Variants in GOLT1A observed in about 807,000 individuals in gnomAD.
GOLT1A encodes the protein golgi transport 1A.
Under a neutral mutation model 16.1 loss-of-function variants are expected in GOLT1A, and 10 were observed. The ratio of observed to expected loss-of-function variants is 0.62; its 90% CI spans 0.38 to 1.05. The LOEUF is 1.05. Ranked by LOEUF, GOLT1A falls within the 50% of genes least tolerant of loss-of-function variation. The pLI is 0.01. For synonymous variants in GOLT1A, 60 were observed against 67.9 expected, an observed-to-expected ratio of 0.88 and a Z score of 0.57; for missense variants, 137 against 165.7, an observed-to-expected ratio of 0.83 and a Z score of 0.95.
At chr1:204,199,046 C>T in intron 4 of GOLT1A, 149 bp downstream of exon 4, 1 of 655,364 alleles carries the variant, frequency 1.5e-6, no homozygotes, top group Non-Finnish European at 2.7e-6. Flanking sequence ...GGAAGAGGAG[C>T]CTAAAGCACC....
At chr1:204,210,291 C>G (rs1659119635) in intron 1 of GOLT1A, among the ~76,000 whole-genome samples, 1 of 152,330 alleles carries the variant, frequency 6.6e-6, no homozygotes. Context: ...GCTCTAACTG[C>G]CCTTTCTCTG....
intron 1 of GOLT1A, among the ~76,000 whole-genome samples, chr1:204,206,312 T>A (rs1381422911): frequency 6.6e-6 from 1 of 152,224 alleles, no homozygotes; most frequent in Admixed American, 6.5e-5. Context: ...GTGATCTATT[T>A]GGGCTTGTTT....
Position 204,201,781 on chromosome 1 carries a change from T to C in GOLT1A, c.148A>G (p.Ile50Val). 6.2e-7 allele frequency: 1 copy of C among 1,613,872 alleles called. No homozygotes were observed. The highest frequency in any genetic ancestry group is 8.5e-7 in the Non-Finnish European group (1 of 1,179,982). The change falls in exon 3 of 5, where the codon ATT becomes GTT. Residue 50 changes from isoleucine to valine, a missense_variant. Physicochemically the swap from Ile to Val is conservative, Grantham distance 29 (BLOSUM62 3). Transcript: ENST00000308302. ...AACCAAAAGGTCTTCCTCAGGCCAA[T>C]GATGAGGGACAGGCCCGTCAGGAAC... ...LLFLTGLSLI[I>V]GLRKTFWFFF...
intron 1 of GOLT1A, among the ~76,000 whole-genome samples, chr1:204,203,666 C>T (rs558247196): frequency 6.6e-6 from 1 of 152,360 alleles, no homozygotes; most frequent in East Asian, 1.9e-4. Flanking sequence ...CTCCCATTGT[C>T]CTCCCTCCCT....
chr1:204,202,073 G>A (rs930477007), intron 2 of GOLT1A, among the ~76,000 whole-genome samples: 1 of 152,092 alleles, frequency 6.6e-6, no homozygotes, highest in Non-Finnish European at 1.5e-5. Context: ...TGGAGCCCAA[G>A]CATTTTTCAT....
Position 204,199,357 on chromosome 1 carries a change from T to TC in GOLT1A, c.297-100dup, listed in dbSNP as rs1658915582. ...CCACTGAAAGGTTCAAGCTCTGGCTTCCACACACCAGGGACAGGCTTGATT... is the reference window on the plus strand; with the variant it reads ...CCACTGAAAGGTTCAAGCTCTGGCTTCCCACACACCAGGGACAGGCTTGATT... On this transcript the variant is annotated intron_variant, in intron 3 of 4. Transcript: ENST00000308302. 5.6e-6 allele frequency: 5 copies of TC among 893,494 alleles called. No homozygotes were observed. In the Admixed American group the frequency reaches 1.0e-4, roughly 18 times the overall value. The allele number at this position is 893,494 out of a possible 1,614,324, so 55.3% of individuals were successfully genotyped here.
Position 204,199,864 on chromosome 1 carries a change from G to A in GOLT1A, c.297-606C>T, listed in dbSNP as rs572927819. 4.6e-5 allele frequency among the ~76,000 whole-genome samples: 7 copies of A among 152,312 alleles called. No homozygotes were observed. The South Asian group carries it at 8.3e-4, about 18-fold the overall frequency. On this transcript the variant is annotated intron_variant, in intron 3 of 4. Coordinates refer to ENST00000308302, the MANE Select transcript of GOLT1A (RefSeq NM_198447.2). The stretch of plus-strand genomic sequence containing the variant: ...ACATGCGTGACCCCTCACAGGGCTT[G>A]GAGGTGCCAAGGCTGGCATGGGAAG...
chr1:204,210,692 G>A (rs1160652489), intron 1 of GOLT1A, among the ~76,000 whole-genome samples: 1 of 152,212 alleles, frequency 6.6e-6, no homozygotes, highest in Non-Finnish European at 1.5e-5. Context: ...CTCCCAAAGT[G>A]CTGAGATTAC....
Position 204,213,914 on chromosome 1 carries a change from T to A in GOLT1A, c.-8A>T. The A allele has an allele frequency of 6.2e-7, 1 of 1,613,134 alleles. No individual in the cohort carries two copies. The highest frequency in any genetic ancestry group is 8.5e-7 in the Non-Finnish European group (1 of 1,179,770). On this transcript the variant is annotated 5_prime_UTR_variant, in exon 1 of 5. It removes the in-frame stop codon of an upstream open reading frame in the 5' UTR. Coordinates refer to ENST00000308302, the MANE Select transcript of GOLT1A (RefSeq NM_198447.2). Reference sequence around the variant, plus strand: ...TTCGGTGATGGAGATCATGCCGCACTCAGCCTGGGGGGCTTTCCGGGTGGA... The same window carrying A: ...TTCGGTGATGGAGATCATGCCGCACACAGCCTGGGGGGCTTTCCGGGTGGA...
At chr1:204,200,322 T>TATATATATATATATATAGATA (rs1376686184) in intron 3 of GOLT1A, among the ~76,000 whole-genome samples, 1 of 111,012 alleles carries the variant, frequency 9.0e-6, no homozygotes, top group Non-Finnish European at 1.7e-5. Flanking sequence ...TATATATATG[T>TATATATATATATATATAGATA]TTTTGTTTTT....
rs538382953 is a variant in GOLT1A, at chr1:204,208,415, T to C, written c.26-5428A>G. ...ATATGTATACATATATGTATATATG[T>C]ATACATATGTGTATATGTATACATA... On this transcript the variant is annotated intron_variant, in intron 1 of 4. Transcript: ENST00000308302. Among the ~76,000 whole-genome samples the C allele has an allele frequency of 8.0e-5, 8 of 100,452 alleles. 1 individual carries two copies. In the East Asian group the frequency reaches 1.9e-3, roughly 24 times the overall value. 65.9% of individuals were successfully genotyped at this position (100,452 alleles called of 152,430 possible).
chr1:204,208,476 G>GTGTATATGTATATATATA (rs1286299770), intron 1 of GOLT1A, among the ~76,000 whole-genome samples: 1 of 39,940 alleles, frequency 2.5e-5, no homozygotes, highest in Admixed American at 2.4e-4. Context: ...GTGTGTGTGT[G>GTGTATATGTATATATATA]TATATATATA....
At chr1:204,204,069 G>A (rs908317783) in intron 1 of GOLT1A, among the ~76,000 whole-genome samples, 1 of 152,136 alleles carries the variant, frequency 6.6e-6, no homozygotes, top group Non-Finnish European at 1.5e-5. Flanking sequence ...CCAGCACTCA[G>A]AATTGTTCAT....
chr1:204,199,068 A>G, intron 4 of GOLT1A, 127 bp downstream of exon 4: 1 of 770,038 alleles, frequency 1.3e-6, no homozygotes, highest in Non-Finnish European at 2.2e-6. Flanking sequence ...AACCTGGGCT[A>G]GGGGGTCTGA....
intron 1 of GOLT1A, among the ~76,000 whole-genome samples, chr1:204,212,503 G>A (rs1571680191): frequency 6.6e-6 from 1 of 151,990 alleles, no homozygotes; most frequent in African/African-American, 2.4e-5. Flanking sequence ...CAGGTGTGGT[G>A]GTGGGTGCCC....
intron 1 of GOLT1A, among the ~76,000 whole-genome samples, chr1:204,204,179 T>C (rs1053589280): frequency 7.9e-5 from 12 of 152,228 alleles, no homozygotes; most frequent in Non-Finnish European, 1.3e-4. Context: ...TGTGGCAACG[T>C]GCACATAAAA....
rs182291573 is a variant in GOLT1A at position 204,201,936 on chromosome 1, G to A, written c.118-125C>T. 1.5e-5 allele frequency: 12 copies of A among 802,608 alleles called. No individual in the cohort carries two copies. In the East Asian group the frequency reaches 2.9e-4, roughly 19 times the overall value. 49.7% of individuals were successfully genotyped at this position (802,608 alleles called of 1,614,324 possible). On this transcript the variant is annotated intron_variant, in intron 2 of 4. Transcript: ENST00000308302. ...TAACTGTTCAAGACCATCTGAGCGA[G>A]GGCCATCCAGCAGTGTGGCAGAATC...
In GOLT1A at chr1:204,201,634, T is replaced by C. The variant is rs568613727; in HGVS notation, c.295A>G (p.Lys99Glu). The change falls in exon 3 of 5, where the codon AAG becomes GAG. Residue 99 changes from lysine to glutamate, a missense_variant and splice_region_variant. Lys to Glu is a moderately conservative substitution (Grantham distance 56, BLOSUM62 1). Coordinates refer to ENST00000308302, the MANE Select transcript of GOLT1A (RefSeq NM_198447.2). Reference sequence around the variant, plus strand: ...AGGGTTATAGGGATTTGCACTCACTTAAAGAGGCTGAAGAATCCGTAGGTT... The same window carrying C: ...AGGGTTATAGGGATTTGCACTCACTCAAAGAGGCTGAAGAATCCGTAGGTT... ...LETYGFFSLF[K>E]GFFPVAFGFL... The C allele has an allele frequency of 4.3e-6, 7 of 1,613,976 alleles. No individual in the cohort carries two copies. In the South Asian group the frequency reaches 6.6e-5, roughly 15 times the overall value.
intron 1 of GOLT1A, among the ~76,000 whole-genome samples, chr1:204,208,426 GTATATGTATACATA>G (rs1213642114): frequency 6.2e-4 from 35 of 56,228 alleles, no homozygotes; most frequent in Non-Finnish European, 1.4e-3. Flanking sequence ...ATACATATGT[GTATATGTATACATA>G]TGTGTGTATA....
Sources: allele counts gnomAD v4.1 joint callset (sites outside exome capture counted in the v4.1 genomes callset), GRCh38; gene constraint gnomAD v4.1.1; transcripts MANE v1.5; gene names NCBI Gene and HGNC (gene_info 2026-07-23, HGNC 2026-07-21).